The following KCNJ3 variants were observed in gnomAD, a reference collection of about 807,000 sequenced individuals.
KCNJ3 encodes G protein-activated inward rectifier potassium channel 1.
In KCNJ3, 4 loss-of-function variants were observed where a neutral mutation model predicts 39.2. The observed-to-expected ratio is 0.10, with a 90% CI of 0.05 to 0.23. KCNJ3 has a LOEUF of 0.23. KCNJ3 is among the 10% of genes least tolerant of loss of function. KCNJ3 has a pLI of 1.00. For missense variants in KCNJ3, 276 were observed against 634.9 expected (o/e 0.43, Z 6.08); for synonymous variants, 230 against 237.4 (o/e 0.97, Z 0.29).
intron 2 of KCNJ3, among the ~76,000 whole-genome samples, chr2:154,754,738 G>A (rs1027675617): frequency 6.6e-6 from 1 of 152,050 alleles, no homozygotes; most frequent in African/African-American, 2.4e-5. Context: ...TCCTTGTGAA[G>A]TTTCTCATGA....
chr2:154,765,973 C>T (rs1211279327), intron 2 of KCNJ3, among the ~76,000 whole-genome samples: 1 of 152,070 alleles, frequency 6.6e-6, no homozygotes, highest in Non-Finnish European at 1.5e-5. Flanking sequence ...CGGTGTGGCG[C>T]CAAACAGTTG....
intron 2 of KCNJ3, among the ~76,000 whole-genome samples, chr2:154,792,399 G>A (rs1256725679): frequency 1.3e-5 from 2 of 152,010 alleles, no homozygotes; most frequent in African/African-American, 4.8e-5. Context: ...TTAGGGCTTG[G>A]GGAATCAGCA....
chr2:154,822,119 A>G (rs34120475), intron 2 of KCNJ3, among the ~76,000 whole-genome samples: 14 of 152,200 alleles, frequency 9.2e-5, no homozygotes, highest in African/African-American at 2.7e-4. Flanking sequence ...AACATCAGAA[A>G]CAAGGCAGCA....
At chr2:154,807,067 A>C (rs931045341) in intron 2 of KCNJ3, among the ~76,000 whole-genome samples, 1 of 152,160 alleles carries the variant, frequency 6.6e-6, no homozygotes, top group Non-Finnish European at 1.5e-5. Flanking sequence ...CACATTTATT[A>C]TCACTATTTC....
chr2:154,700,889 A>G lies in KCNJ3; in HGVS notation c.702+1412A>G, dbSNP rs2105144225. Among the ~76,000 whole-genome samples, 2 of 152,318 alleles carry G rather than the reference A, an allele frequency of 1.3e-5. 1 individual carries two copies. Among genetic ancestry groups the G allele is most frequent in the South Asian group, 4.1e-4 (2 of 4,828 alleles). On this transcript the variant is annotated intron_variant, in intron 1 of 2. Transcript: ENST00000295101. Reference sequence around the variant, plus strand: ...CTGTGCTACATACAGTAAATAAACTACATTTTGTACACCACAGTGGAAAAT... The same window carrying G: ...CTGTGCTACATACAGTAAATAAACTGCATTTTGTACACCACAGTGGAAAAT...
At chr2:154,829,353 T>A (rs1252289491) in intron 2 of KCNJ3, among the ~76,000 whole-genome samples, 1 of 152,188 alleles carries the variant, frequency 6.6e-6, no homozygotes, top group Non-Finnish European at 1.5e-5. Context: ...AGTGTTTCAC[T>A]CCCACATATA....
At chr2:154,811,494 A>G (rs939386149) in intron 2 of KCNJ3, among the ~76,000 whole-genome samples, 1 of 152,088 alleles carries the variant, frequency 6.6e-6, no homozygotes, top group African/African-American at 2.4e-5. Flanking sequence ...GGGTTTCACC[A>G]TGTTGGCCAG....
In KCNJ3 at chr2:154,712,212, A is replaced by C. The variant is rs531053034; in HGVS notation, c.919+2393A>C. Among the ~76,000 whole-genome samples the C allele has an allele frequency of 3.9e-5, 6 of 152,318 alleles. No individual in the cohort carries two copies. The East Asian group carries it at 9.6e-4, about 24-fold the overall frequency. The stretch of plus-strand genomic sequence containing the variant: ...TCCAGACCTCCCTGAGCCTGGTAAA[A>C]ATAACAAAGACATTCTTATGTCCAT... On this transcript the variant is annotated intron_variant, in intron 2 of 2. Coordinates refer to ENST00000295101, the MANE Select transcript of KCNJ3 (RefSeq NM_002239.4).
intron 2 of KCNJ3, among the ~76,000 whole-genome samples, chr2:154,853,693 G>A (rs1247067152): frequency 6.6e-6 from 1 of 151,928 alleles, no homozygotes; most frequent in East Asian, 1.9e-4. Context: ...TTGATATATG[G>A]TTTTAATTTA....
chr2:154,758,596 C>G (rs930143762), intron 2 of KCNJ3, among the ~76,000 whole-genome samples: 1 of 152,138 alleles, frequency 6.6e-6, no homozygotes, highest in African/African-American at 2.4e-5. Context: ...TCATGACTAT[C>G]CATTTTGTTT....
At chr2:154,785,695 C>A (rs1686518192) in intron 2 of KCNJ3, among the ~76,000 whole-genome samples, 1 of 152,128 alleles carries the variant, frequency 6.6e-6, no homozygotes, top group Non-Finnish European at 1.5e-5. Flanking sequence ...CATTCCTTTT[C>A]TTTATAAGTT....
chr2:154,707,341 T>C (rs993745161), intron 1 of KCNJ3, among the ~76,000 whole-genome samples: 2 of 152,066 alleles, frequency 1.3e-5, no homozygotes, highest in African/African-American at 4.8e-5. Context: ...ATGGAACAGA[T>C]ATATGCATAT....
chr2:154,798,145 C>G (rs1282479644), intron 2 of KCNJ3, among the ~76,000 whole-genome samples: 1 of 151,466 alleles, frequency 6.6e-6, no homozygotes, highest in East Asian at 1.9e-4. Context: ...ACTACACACA[C>G]TCTAAATGTA....
At chr2:154,821,635 A>ATTCTT (rs1687181940) in intron 2 of KCNJ3, among the ~76,000 whole-genome samples, 1 of 88,074 alleles carries the variant, frequency 1.1e-5, no homozygotes, top group Non-Finnish European at 2.1e-5. Flanking sequence ...AGAATATGTG[A>ATTCTT]TTTTTTTTTT....
intron 2 of KCNJ3, among the ~76,000 whole-genome samples, chr2:154,809,523 G>C (rs2105100277): frequency 6.6e-6 from 1 of 152,298 alleles, no homozygotes; most frequent in South Asian, 2.1e-4. Flanking sequence ...ATACAAGGCA[G>C]AGAATAAGTA....
intron 1 of KCNJ3, among the ~76,000 whole-genome samples, chr2:154,700,318 T>C (rs1054019682): frequency 2.0e-5 from 3 of 152,330 alleles, no homozygotes; most frequent in Non-Finnish European, 4.4e-5. Flanking sequence ...GAGTGGTTAT[T>C]AAAGCAAGGT....
chr2:154,799,198 C>T (rs991801698), intron 2 of KCNJ3, among the ~76,000 whole-genome samples: 5 of 152,184 alleles, frequency 3.3e-5, no homozygotes, highest in African/African-American at 9.7e-5. Flanking sequence ...GTGGCACGAT[C>T]TTGGCTTAGT....
At chr2:154,763,144 A>G (rs1686074315) in intron 2 of KCNJ3, among the ~76,000 whole-genome samples, 1 of 152,216 alleles carries the variant, frequency 6.6e-6, no homozygotes, top group Admixed American at 6.5e-5. Context: ...TTTTGTGAGA[A>G]CTTTATTAAA....
At chr2:154,800,426 G>A (rs575625673) in intron 2 of KCNJ3, among the ~76,000 whole-genome samples, 21 of 152,130 alleles carry the variant, frequency 1.4e-4, no homozygotes, top group Non-Finnish European at 2.6e-4. Flanking sequence ...AATGGAGGAC[G>A]GGATGTAGAG....
Sources: gnomAD v4.1 joint callset for allele counts (sites outside exome capture counted in the v4.1 genomes callset) on GRCh38, gnomAD v4.1.1 for gene constraint, MANE v1.5 for transcripts, NCBI Gene and HGNC (gene_info 2026-07-23, HGNC 2026-07-21) for gene names.